LINGO2: variants seen among roughly 807,000 people sequenced by gnomAD.
LINGO2 encodes leucine rich repeat and Ig domain containing 2.
Under a neutral mutation model 30.6 loss-of-function variants are expected in LINGO2, and 14 were observed. The observed-to-expected ratio is 0.46, with a 90% CI of 0.30 to 0.72. The LOEUF is 0.72. LINGO2 is among the 30% of genes least tolerant of loss of function. LINGO2 has a pLI of 0.07. For synonymous variants in LINGO2, 317 were observed against 288.5 expected (o/e 1.10, Z -1.00); for missense variants, 729 against 751.7 (o/e 0.97, Z 0.35).
chr9:28,815,873 A>G, the LINGO2 span, among the ~76,000 whole-genome samples: 1 of 152,184 alleles, frequency 6.6e-6, no homozygotes, highest in Admixed American at 6.5e-5. Context: ...TTCTTTCTTA[A>G]CAGGTATCTT....
the LINGO2 span, among the ~76,000 whole-genome samples, chr9:28,965,420 A>T: frequency 6.6e-6 from 1 of 152,068 alleles, no homozygotes; most frequent in African/African-American, 2.4e-5. Flanking sequence ...ATAACTGGGC[A>T]CAAGAAAACA....
At chr9:29,164,689 C>T in the LINGO2 span, among the ~76,000 whole-genome samples, 1 of 151,876 alleles carries the variant, frequency 6.6e-6, no homozygotes, top group Admixed American at 6.6e-5. Context: ...GATAACCTGC[C>T]TCAGTCAATT....
chr9:28,979,420 C>CA, the LINGO2 span, among the ~76,000 whole-genome samples: 1 of 151,826 alleles, frequency 6.6e-6, no homozygotes, highest in Non-Finnish European at 1.5e-5. Context: ...GTTAACAAAA[C>CA]AAAAAATGTC....
the LINGO2 span, among the ~76,000 whole-genome samples, chr9:29,150,362 T>A: frequency 6.6e-6 from 1 of 152,184 alleles, no homozygotes; most frequent in African/African-American, 2.4e-5. Flanking sequence ...ATTTAAAAAG[T>A]CAGAGTGTCT....
rs557593515 is a variant in LINGO2 at position 28,668,200 on chromosome 9, C to T, written c.-365+2000G>A. On this transcript the variant is annotated intron_variant, in intron 1 of 5. Coordinates refer to ENST00000379992, the Ensembl canonical transcript of LINGO2. Reference sequence around the variant, plus strand: ...AATAATAGGCAAATAATTCAGTACCCGAGGTGGAGTGGTAGTAGGGGAAGG... The same window carrying T: ...AATAATAGGCAAATAATTCAGTACCTGAGGTGGAGTGGTAGTAGGGGAAGG... Among the ~76,000 whole-genome samples the T allele has an allele frequency of 7.2e-5, 11 of 151,944 alleles. No homozygotes were observed. In the East Asian group the frequency reaches 2.1e-3, roughly 29 times the overall value.
intron 4 of LINGO2, among the ~76,000 whole-genome samples, chr9:28,111,086 T>G (rs539699953): frequency 6.6e-6 from 1 of 152,160 alleles, no homozygotes; most frequent in South Asian, 2.1e-4. Context: ...GTCCTTTGCA[T>G]GGACATGGAT....
the LINGO2 span, among the ~76,000 whole-genome samples, chr9:29,095,113 T>G: frequency 7.2e-6 from 1 of 138,712 alleles, no homozygotes; most frequent in African/African-American, 2.7e-5. Flanking sequence ...TGCTTCTCTT[T>G]GTTTCATACT....
intron 3 of LINGO2, among the ~76,000 whole-genome samples, chr9:28,349,585 A>G (rs1267173835): frequency 9.7e-5 from 13 of 134,572 alleles, no homozygotes; most frequent in Non-Finnish European, 2.1e-4. Context: ...GCAGGATATT[A>G]TCCAGGAGAA....
At chr9:28,602,169 T>C (rs950402263) in intron 1 of LINGO2, among the ~76,000 whole-genome samples, 2 of 152,054 alleles carry the variant, frequency 1.3e-5, no homozygotes, top group African/African-American at 2.4e-5. Context: ...GTGTAGAATA[T>C]ATTGCATCTC....
rs202092557 is a variant in LINGO2, at chr9:28,178,453, TA to T, written c.-87+116754del. 4.5e-3 allele frequency among the ~76,000 whole-genome samples: 672 copies of T among 150,594 alleles called. 7 individuals carry two copies. Among genetic ancestry groups the T allele is most frequent in the African/African-American group, 0.014 (581 of 40,718 alleles). Reference sequence around the variant, plus strand: ...AAACTTTCTAAGTGTTAAATATGGTTAAAAAAAAAGTCAGTTAATTTAGACA... The same window carrying T: ...AAACTTTCTAAGTGTTAAATATGGTTAAAAAAAAGTCAGTTAATTTAGACA... On this transcript the variant is annotated intron_variant, in intron 4 of 5. Coordinates refer to ENST00000379992, the Ensembl canonical transcript of LINGO2.
chr9:28,952,219 T>G, the LINGO2 span, among the ~76,000 whole-genome samples: 396 of 152,228 alleles, frequency 2.6e-3, no homozygotes, highest in Non-Finnish European at 4.4e-3. Context: ...CATCTAACCT[T>G]ACTCTTAAGA....
At chr9:28,790,985 G>C in the LINGO2 span, among the ~76,000 whole-genome samples, 5 of 152,116 alleles carry the variant, frequency 3.3e-5, no homozygotes, top group African/African-American at 1.2e-4. Context: ...AATCAGAAAA[G>C]AATGAATCTT....
At position 28,224,238 on chromosome 9, in the gene LINGO2, C is replaced by G. The variant is rs547329852; in HGVS notation, c.-87+70970G>C. On this transcript the variant is annotated intron_variant, in intron 4 of 5. Transcript: ENST00000379992. The stretch of plus-strand genomic sequence containing the variant: ...CGCCACCATGCCCAGTTAATTTTTT[C>G]TATTTTTAGTAGAGACGGGGTTTCA... 4.9e-4 allele frequency among the ~76,000 whole-genome samples: 75 copies of G among 152,090 alleles called. 1 individual carries two copies. Among genetic ancestry groups the G allele is most frequent in the East Asian group, 1.4e-3 (7 of 5,136 alleles).
At chr9:28,078,045 T>C (rs890897038) in intron 4 of LINGO2, among the ~76,000 whole-genome samples, 5 of 149,424 alleles carry the variant, frequency 3.3e-5, no homozygotes, top group Non-Finnish European at 7.4e-5. Flanking sequence ...AACTTAAAGC[T>C]TAACAAATAA....
In LINGO2 at chr9:28,417,447, G is replaced by A. The variant is rs1483687692; in HGVS notation, c.-278-44579C>T. Reference sequence around the variant, plus strand: ...ATATTTTAAAATGTGGCATTGGCCTGAATAATAAGCATCTGATAAGTCTGA... The same window carrying A: ...ATATTTTAAAATGTGGCATTGGCCTAAATAATAAGCATCTGATAAGTCTGA... On this transcript the variant is annotated intron_variant, in intron 2 of 5. Transcript: ENST00000379992. 2.0e-5 allele frequency among the ~76,000 whole-genome samples: 3 copies of A among 152,144 alleles called. No homozygotes were observed. In the East Asian group the frequency reaches 5.8e-4, roughly 29 times the overall value.
chr9:28,416,974 A>G (rs1587642582), intron 2 of LINGO2, among the ~76,000 whole-genome samples: 1 of 152,192 alleles, frequency 6.6e-6, no homozygotes, highest in East Asian at 1.9e-4. Flanking sequence ...ATACCCTTAC[A>G]GCCCTTTAGA....
At chr9:27,986,295 T>C (rs1264087544) in intron 5 of LINGO2, among the ~76,000 whole-genome samples, 1 of 151,558 alleles carries the variant, frequency 6.6e-6, no homozygotes, top group East Asian at 1.9e-4. Flanking sequence ...AGGACATCTT[T>C]AAACAAAAAC....
At chr9:28,475,323 A>G (rs1236053804) in intron 2 of LINGO2, among the ~76,000 whole-genome samples, 1 of 152,196 alleles carries the variant, frequency 6.6e-6, no homozygotes, top group East Asian at 1.9e-4. Context: ...AAAGGTTTTT[A>G]TACTTTTTGT....
chr9:28,836,591 T>C, the LINGO2 span, among the ~76,000 whole-genome samples: 1 of 152,118 alleles, frequency 6.6e-6, no homozygotes, highest in Non-Finnish European at 1.5e-5. Context: ...GCTGAGATTA[T>C]AGGCATGAGC....
Sources: allele counts gnomAD v4.1 joint callset (sites outside exome capture counted in the v4.1 genomes callset), GRCh38; gene constraint gnomAD v4.1.1; transcripts MANE v1.5; gene names NCBI Gene and HGNC (gene_info 2026-07-23, HGNC 2026-07-21).